The following RIC8B variants were observed in gnomAD, a reference collection of about 807,000 sequenced individuals.
RIC8B encodes the protein RIC8 guanine nucleotide exchange factor B.
In RIC8B, 16 loss-of-function variants were observed where a neutral mutation model predicts 57.5. The observed-to-expected ratio is 0.28, with a 90% CI of 0.19 to 0.42. The LOEUF is 0.42. Among genes scored for constraint, RIC8B ranks in the 10% least tolerant of loss-of-function variants. The pLI, the probability that RIC8B is intolerant of heterozygous loss-of-function variation, is 1.00. For missense variants in RIC8B, 481 were observed against 677.0 expected (o/e 0.71, Z 3.21); for synonymous variants, 216 against 250.8 (o/e 0.86, Z 1.31).
chr12:106,875,833 T>G (rs897749472), intron 9 of RIC8B, among the ~76,000 whole-genome samples: 2 of 152,180 alleles, frequency 1.3e-5, no homozygotes, highest in African/African-American at 4.8e-5. Flanking sequence ...ACATGACTTT[T>G]ATAATAAATG....
intron 7 of RIC8B, among the ~76,000 whole-genome samples, chr12:106,854,116 G>C (rs992068709): frequency 6.6e-6 from 1 of 152,114 alleles, no homozygotes; most frequent in Non-Finnish European, 1.5e-5. Flanking sequence ...ATTTAGCAGC[G>C]ACTGATGGTT....
chr12:106,847,637 A>G (rs1949266472), intron 6 of RIC8B, among the ~76,000 whole-genome samples: 2 of 152,148 alleles, frequency 1.3e-5, no homozygotes, highest in South Asian at 4.1e-4. Context: ...CCTGCCTCTG[A>G]TATCTCCTGA....
chr12:106,797,536 T>G (rs36090447), intron 2 of RIC8B, among the ~76,000 whole-genome samples: 13,168 of 152,234 alleles, frequency 0.086, 722 homozygotes, highest in East Asian at 0.28. Flanking sequence ...ATCTTGAGCT[T>G]CTTCTGGGGA....
intron 8 of RIC8B, among the ~76,000 whole-genome samples, chr12:106,863,842 A>T (rs1227303672): frequency 6.6e-6 from 1 of 152,116 alleles, no homozygotes; most frequent in African/African-American, 2.4e-5. Context: ...TGTCAAGGTT[A>T]TTACTCTTAA....
At chr12:106,833,869 A>C (rs972278409) in intron 4 of RIC8B, among the ~76,000 whole-genome samples, 3 of 152,112 alleles carry the variant, frequency 2.0e-5, no homozygotes, top group Non-Finnish European at 2.9e-5. Flanking sequence ...CCTCCCCATA[A>C]CAAGTGAGTT....
intron 2 of RIC8B, among the ~76,000 whole-genome samples, chr12:106,789,942 A>G (rs565697413): frequency 6.6e-6 from 1 of 151,922 alleles, no homozygotes; most frequent in South Asian, 2.1e-4. Context: ...AAAAAAAAAA[A>G]CTTGATTATA....
Position 106,879,293 on chromosome 12 carries a change from CAAGTA to C in RIC8B, c.1572-6606_1572-6602del, listed in dbSNP as rs761364380. 2.0e-6 allele frequency: 2 copies of C among 985,096 alleles called. No individual in the cohort carries two copies. Among genetic ancestry groups the C allele is most frequent in the African/African-American group, 1.7e-5 (1 of 57,160 alleles). The allele number at this position is 985,096 out of a possible 1,614,324, so 61.0% of individuals were successfully genotyped here. Reference sequence around the variant, plus strand: ...CAAGAGTATTCTCTTGCTTTCAGGTCAAGTAAAGTGTTTTATACACATACACGTCT... The same window carrying C: ...CAAGAGTATTCTCTTGCTTTCAGGTCAAGTGTTTTATACACATACACGTCT... On this transcript the variant is annotated intron_variant, in intron 9 of 9. Transcript: ENST00000392837. The surrounding 1 kb of genome is among the most constrained non-coding windows in gnomAD (Gnocchi z 4.9).
chr12:106,802,895 G>A (rs1474691732), intron 2 of RIC8B, among the ~76,000 whole-genome samples: 2 of 151,866 alleles, frequency 1.3e-5, no homozygotes, highest in Non-Finnish European at 2.9e-5. Flanking sequence ...TATGGTCAAA[G>A]TAAGGAAATA....
At chr12:106,873,990 A>G (rs1950558766) in intron 9 of RIC8B, among the ~76,000 whole-genome samples, 1 of 152,240 alleles carries the variant, frequency 6.6e-6, no homozygotes, top group Non-Finnish European at 1.5e-5. Flanking sequence ...TTATTTGATT[A>G]GTACGTTATC....
At chr12:106,830,562 T>A (rs1305683155) in intron 4 of RIC8B, among the ~76,000 whole-genome samples, 3 of 151,962 alleles carry the variant, frequency 2.0e-5, no homozygotes, top group African/African-American at 7.3e-5. Context: ...TGAGAAGGGG[T>A]TTGGATTGGT....
intron 2 of RIC8B, 112 bp from the exon 3 acceptor site, chr12:106,814,584 A>G (rs2045487237): frequency 2.6e-6 from 3 of 1,143,852 alleles, no homozygotes; most frequent in African/African-American, 3.1e-5. Flanking sequence ...AATAATAAAA[A>G]CCTTTTCTCT....
intron 8 of RIC8B, among the ~76,000 whole-genome samples, chr12:106,863,086 A>G (rs1477557655): frequency 6.6e-6 from 1 of 152,078 alleles, no homozygotes; most frequent in Non-Finnish European, 1.5e-5. Flanking sequence ...AGGTCCCTTG[A>G]CTGTAAAGGT....
intron 2 of RIC8B, among the ~76,000 whole-genome samples, chr12:106,804,474 C>G (rs1176971978): frequency 6.6e-6 from 1 of 152,174 alleles, no homozygotes; most frequent in African/African-American, 2.4e-5. Flanking sequence ...CCTTGGCCTC[C>G]CAAAGTGCTG....
intron 8 of RIC8B, among the ~76,000 whole-genome samples, chr12:106,869,194 A>G (rs1364916104): frequency 1.3e-5 from 2 of 152,142 alleles, no homozygotes; most frequent in African/African-American, 4.8e-5. Context: ...TAGGTTTTGA[A>G]TCAGGTTTTC....
At chr12:106,837,408 T>G (rs1322306894) in intron 4 of RIC8B, among the ~76,000 whole-genome samples, 1 of 151,990 alleles carries the variant, frequency 6.6e-6, no homozygotes, top group Non-Finnish European at 1.5e-5. Context: ...CCCTCATGGG[T>G]TATTCCCCCA....
chr12:106,811,943 TG>T (rs2045353155), intron 2 of RIC8B, among the ~76,000 whole-genome samples: 1 of 152,198 alleles, frequency 6.6e-6, no homozygotes, highest in Non-Finnish European at 1.5e-5. Context: ...CTACAAAGAA[TG>T]CTGCCTTTTC....
chr12:106,785,969 C>T (rs190256392), intron 2 of RIC8B, among the ~76,000 whole-genome samples: 13 of 151,236 alleles, frequency 8.6e-5, no homozygotes, highest in African/African-American at 3.2e-4. Flanking sequence ...GCCCTAGGCT[C>T]CTTAGTAGCT....
rs537921932 is a variant in RIC8B at position 106,810,228 on chromosome 12, C to T, written c.133-4468C>T. Among the ~76,000 whole-genome samples the T allele has an allele frequency of 3.4e-5, 5 of 147,680 alleles. No homozygotes were observed. In the East Asian group the frequency reaches 9.8e-4, roughly 29 times the overall value. ...GATTATAGGCATGAGTGACCATGCC[C>T]AGCCTCCCATTTTTTAAAAATGGGA... On this transcript the variant is annotated intron_variant, in intron 2 of 9. Coordinates refer to ENST00000392837, the MANE Select transcript of RIC8B (RefSeq NM_001330145.2).
intron 1 of RIC8B, among the ~76,000 whole-genome samples, chr12:106,780,674 T>C (rs1482835077): frequency 1.3e-5 from 2 of 152,228 alleles, no homozygotes; most frequent in African/African-American, 2.4e-5. Flanking sequence ...TTTCTAATTT[T>C]TAGTTGTAGA....
Sources: gnomAD v4.1 joint callset for allele counts (sites outside exome capture counted in the v4.1 genomes callset) on GRCh38, gnomAD v4.1.1 for gene constraint, Gnocchi (gnomAD v3.1) non-coding constraint, MANE v1.5 for transcripts, NCBI Gene and HGNC (gene_info 2026-07-23, HGNC 2026-07-21) for gene names.